Variants in CLVS1 observed in about 807,000 individuals in gnomAD.
CLVS1 encodes clavesin-1.
In CLVS1, 10 loss-of-function variants were observed where a neutral mutation model predicts 33.1. The ratio of observed to expected loss-of-function variants is 0.30; its 90% CI spans 0.19 to 0.51. CLVS1 has a LOEUF of 0.51. Ranked by LOEUF, CLVS1 falls within the 20% of genes least tolerant of loss-of-function variation. The probability of loss-of-function intolerance (pLI) is 0.97; values close to 1 mark genes in which losing one functional copy is unlikely to be tolerated. For synonymous variants in CLVS1, 163 were observed against 166.1 expected (o/e 0.98, Z 0.14); for missense variants, 343 against 433.4 (o/e 0.79, Z 1.85).
intron 2 of CLVS1, among the ~76,000 whole-genome samples, chr8:61,273,243 C>A (rs1199811615): frequency 1.3e-5 from 2 of 151,940 alleles, no homozygotes; most frequent in Admixed American, 6.6e-5. Flanking sequence ...TGTTGGAATA[C>A]CCTGCCGTGT....
chr8:61,190,092 A>C (rs1807438894), intron 2 of CLVS1, among the ~76,000 whole-genome samples: 1 of 152,220 alleles, frequency 6.6e-6, no homozygotes, highest in African/African-American at 2.4e-5. Flanking sequence ...ACCACATTGC[A>C]CTTATTCTAA....
At chr8:61,007,195 T>C in the CLVS1 span, among the ~76,000 whole-genome samples, 7 of 152,206 alleles carry the variant, frequency 4.6e-5, no homozygotes, top group Non-Finnish European at 8.8e-5. Flanking sequence ...GTGAAAATAG[T>C]GTGAAATTAA....
At chr8:61,392,194 T>TG (rs1380974106) in intron 3 of CLVS1, among the ~76,000 whole-genome samples, 1 of 152,126 alleles carries the variant, frequency 6.6e-6, no homozygotes, top group African/African-American at 2.4e-5. Context: ...TAGTTGGGCA[T>TG]GGTGGTGCAG....
At chr8:61,070,092 C>T (rs1804765574) in intron 1 of CLVS1, among the ~76,000 whole-genome samples, 1 of 152,162 alleles carries the variant, frequency 6.6e-6, no homozygotes, top group Non-Finnish European at 1.5e-5. Flanking sequence ...AGTGCCTGGC[C>T]TCTCCAGGTT....
Position 61,156,677 on chromosome 8 carries a change from T to C in CLVS1, c.-152+24817T>C, listed in dbSNP as rs1197885597. ...AACAGTAATAATTGGAAGGAAAATTTTTAAACAAACCTTCAAAAAGTTATA... is the reference window on the plus strand; with the variant it reads ...AACAGTAATAATTGGAAGGAAAATTCTTAAACAAACCTTCAAAAAGTTATA... On this transcript the variant is annotated intron_variant, in intron 2 of 2. Transcript: ENST00000522621. Among the ~76,000 whole-genome samples, 8 of 152,344 alleles carry C rather than the reference T, an allele frequency of 5.3e-5. No individual in the cohort carries two copies. The East Asian group carries it at 1.2e-3, about 22-fold the overall frequency.
At position 61,433,909 on chromosome 8, in the gene CLVS1, G is replaced by T. The variant is rs559868343; in HGVS notation, c.631-20232G>T. Among the ~76,000 whole-genome samples, 5 of 151,480 alleles carry T rather than the reference G, an allele frequency of 3.3e-5. No individual in the cohort carries two copies. The South Asian group carries it at 8.3e-4, about 25-fold the overall frequency. ...AGCCTAGGTGACAGAGCAAGACACT[G>T]TCTCAAAAAATAAATAAAACATATC... On this transcript the variant is annotated intron_variant, in intron 3 of 5. Coordinates refer to ENST00000325897, the MANE Select transcript of CLVS1 (RefSeq NM_173519.3).
At chr8:61,251,126 G>C (rs182805148) in intron 2 of CLVS1, among the ~76,000 whole-genome samples, 60 of 152,224 alleles carry the variant, frequency 3.9e-4, no homozygotes, top group Non-Finnish European at 4.4e-5. Context: ...TAGTATGAAG[G>C]GCTGTTAAAT....
chr8:61,059,629 G>A (rs1585578312), intron 1 of CLVS1, among the ~76,000 whole-genome samples: 1 of 151,006 alleles, frequency 6.6e-6, no homozygotes, highest in South Asian at 2.1e-4. Flanking sequence ...TGCCAATGTG[G>A]TGAAACCCCA....
At chr8:61,172,939 A>G (rs941753568) in intron 2 of CLVS1, among the ~76,000 whole-genome samples, 3 of 152,180 alleles carry the variant, frequency 2.0e-5, no homozygotes, top group Admixed American at 6.5e-5. Flanking sequence ...CACTTCTCAT[A>G]TTCCACTGGC....
chr8:61,146,832 A>G (rs1012591709), intron 2 of CLVS1, among the ~76,000 whole-genome samples: 5 of 152,156 alleles, frequency 3.3e-5, no homozygotes, highest in Non-Finnish European at 7.3e-5. Context: ...ATGTAAATAA[A>G]TGTTCACACT....
At chr8:61,307,530 A>G (rs534975540) in intron 2 of CLVS1, among the ~76,000 whole-genome samples, 1 of 152,282 alleles carries the variant, frequency 6.6e-6, no homozygotes, top group Non-Finnish European at 1.5e-5. Context: ...GGCAAAATTT[A>G]AGGGGGCACC....
intron 2 of CLVS1, among the ~76,000 whole-genome samples, chr8:61,232,023 G>GTTTGTTTGTTTTTTTTTTTTTTTTTTTT: frequency 1.6e-5 from 1 of 62,628 alleles, no homozygotes; most frequent in African/African-American, 4.7e-5. Flanking sequence ...GAAAGTTGTG[G>GTTTGTTTGTTTTTTTTTTTTTTTTTTTT]TTTTTTTTTT....
intron 2 of CLVS1, among the ~76,000 whole-genome samples, chr8:61,158,610 C>T (rs1806693526): frequency 6.6e-6 from 1 of 152,038 alleles, no homozygotes; most frequent in Admixed American, 6.5e-5. Context: ...TAGGATAAAG[C>T]AGCTCTCACA....
chr8:61,376,259 A>G (rs1813636529), intron 2 of CLVS1, among the ~76,000 whole-genome samples: 1 of 152,220 alleles, frequency 6.6e-6, no homozygotes, highest in Non-Finnish European at 1.5e-5. Context: ...CCTCAAGGAC[A>G]TCAGAGCTCT....
rs776578864 is a variant in CLVS1, at chr8:61,458,376, T to G, written c.811T>G (p.Phe271Val). 6.2e-7 allele frequency: 1 copy of G among 1,614,200 alleles called. No individual in the cohort carries two copies. The highest frequency in any genetic ancestry group is 2.2e-5 in the East Asian group (1 of 44,890). Residue 271 changes from phenylalanine to valine, a missense_variant, in exon 5 of 6, where the codon TTT becomes GTT. Phe to Val is a conservative substitution (Grantham distance 50, BLOSUM62 -1). Around this residue, in one of 4 missense-constraint regions of CLVS1, gnomAD observed 3 missense variants for 17.1 expected, o/e 0.18. Transcript: ENST00000325897. ...ACACCCTGAATTTTTGCCCTCTGAA[T>G]TTGGAGGAACTCTTCCTCCTTATGA... Reference protein sequence around the residue: ...LIHPEFLPSEFGGTLPPYDMG... With the variant: ...LIHPEFLPSEVGGTLPPYDMG...
At chr8:61,255,272 TTAACAG>T (rs201108271) in intron 2 of CLVS1, among the ~76,000 whole-genome samples, 1,811 of 152,296 alleles carry the variant, frequency 0.012, 45 homozygotes, top group African/African-American at 0.042. Flanking sequence ...CCTGACTGAA[TTAACAG>T]TAATGCTAAA....
At chr8:60,997,911 A>T in the CLVS1 span, among the ~76,000 whole-genome samples, 1 of 150,948 alleles carries the variant, frequency 6.6e-6, no homozygotes, top group African/African-American at 2.4e-5. Context: ...CCCTCTTGGG[A>T]CTCTTTCTAG....
intron 2 of CLVS1, among the ~76,000 whole-genome samples, chr8:61,368,378 C>G (rs1443700016): frequency 6.6e-6 from 1 of 152,200 alleles, no homozygotes; most frequent in Admixed American, 6.5e-5. Context: ...TGGAGAAACA[C>G]GGGCTCTTAT....
the CLVS1 span, among the ~76,000 whole-genome samples, chr8:60,989,723 A>C: frequency 6.6e-6 from 1 of 152,330 alleles, no homozygotes; most frequent in South Asian, 2.1e-4. Context: ...AAACCTGGGC[A>C]ATAGAAAACA....
Sources: allele counts gnomAD v4.1 joint callset (sites outside exome capture counted in the v4.1 genomes callset), GRCh38; gene constraint gnomAD v4.1.1; regional missense constraint gnomAD v4.1.1; transcripts MANE v1.5; gene names NCBI Gene and HGNC (gene_info 2026-07-23, HGNC 2026-07-21).